Variants in FTO observed in about 807,000 individuals in gnomAD.
The protein encoded by FTO is FTO alpha-ketoglutarate dependent dioxygenase.
In FTO, 47 loss-of-function variants were observed where a neutral mutation model predicts 63.9. The observed-to-expected ratio is 0.74, with a 90% CI of 0.58 to 0.94. FTO has a LOEUF of 0.94. Ranked by LOEUF, FTO falls within the 40% of genes least tolerant of loss-of-function variation. The pLI, the probability that FTO is intolerant of heterozygous loss-of-function variation, is 0.00. For missense variants in FTO, 562 were observed against 618.1 expected (o/e 0.91, Z 0.96); for synonymous variants, 207 against 224.4 (o/e 0.92, Z 0.69).
At chr16:53,847,335 T>C (rs2079655248) in intron 4 of FTO, among the ~76,000 whole-genome samples, 1 of 152,230 alleles carries the variant, frequency 6.6e-6, no homozygotes, top group African/African-American at 2.4e-5. Flanking sequence ...TGCCTTCTTC[T>C]TCCCACCTGG....
chr16:53,795,916 C>G (rs2078053457), intron 1 of FTO, among the ~76,000 whole-genome samples: 1 of 152,004 alleles, frequency 6.6e-6, no homozygotes, highest in Non-Finnish European at 1.5e-5. Flanking sequence ...AATACAGATA[C>G]TTTCAGATAT....
Position 53,728,543 on chromosome 16 carries a change from T to G in FTO, c.45+24314T>G, listed in dbSNP as rs151223479. ...CTAGATAGGTATCATTTGGCTATCA[T>G]TAGGTATCTGGAGAGAGAGACAAAA... On this transcript the variant is annotated intron_variant, in intron 1 of 8. Coordinates refer to ENST00000471389, the MANE Select transcript of FTO (RefSeq NM_001080432.3). Among the ~76,000 whole-genome samples, 312 of 152,304 alleles carry G rather than the reference T, an allele frequency of 2.0e-3. 1 individual carries two copies. Among genetic ancestry groups the G allele is most frequent in the African/African-American group, 7.2e-3 (301 of 41,560 alleles).
At chr16:54,041,401 G>T (rs1364663782) in intron 8 of FTO, among the ~76,000 whole-genome samples, 1 of 152,106 alleles carries the variant, frequency 6.6e-6, no homozygotes, top group Non-Finnish European at 1.5e-5. Context: ...CTTGACACCT[G>T]GGGATTACAA....
At chr16:53,744,812 T>A (rs111865384) in intron 1 of FTO, among the ~76,000 whole-genome samples, 1,477 of 100,800 alleles carry the variant, frequency 0.015, 23 homozygotes, top group East Asian at 0.054. Context: ...GACAGGACTC[T>A]AAGGACTTTT....
chr16:53,977,445 C>A (rs2083455849), intron 8 of FTO, among the ~76,000 whole-genome samples: 1 of 152,134 alleles, frequency 6.6e-6, no homozygotes, highest in Non-Finnish European at 1.5e-5. Context: ...TGCTCTCTGA[C>A]CCTGGTTAAC....
intron 8 of FTO, among the ~76,000 whole-genome samples, chr16:54,031,732 T>TAGAAA (rs1342179653): frequency 5.5e-5 from 8 of 144,150 alleles, no homozygotes; most frequent in African/African-American, 1.7e-4. Context: ...TAAGCAATTA[T>TAGAAA]AGAAAAGCAA....
chr16:53,919,359 C>T (rs901568999), intron 7 of FTO, among the ~76,000 whole-genome samples: 1 of 152,074 alleles, frequency 6.6e-6, no homozygotes, highest in African/African-American at 2.4e-5. Context: ...TCAGTGCACT[C>T]TGCTACCCCA....
intron 6 of FTO, 53 bp downstream of exon 6, chr16:53,880,040 G>A: frequency 1.0e-5 from 14 of 1,394,426 alleles, no homozygotes; most frequent in East Asian, 2.4e-5. Flanking sequence ...TGTCACCCAG[G>A]CTGGAGTGCA....
chr16:53,883,968 C>T (rs1025186474), intron 6 of FTO, among the ~76,000 whole-genome samples: 1 of 152,196 alleles, frequency 6.6e-6, no homozygotes, highest in Non-Finnish European at 1.5e-5. Flanking sequence ...TGAAAGCCCA[C>T]GTGTCTGTAA....
At chr16:53,896,695 G>C (rs2111113) in intron 7 of FTO, among the ~76,000 whole-genome samples, 133,736 of 152,146 alleles carry the variant, frequency 0.88, 59,003 homozygotes, top group Middle Eastern at 0.94. Flanking sequence ...GAAGCGTGGA[G>C]AGTCTTCAAC....
chr16:54,073,889 A>C (rs2085927476), intron 8 of FTO, among the ~76,000 whole-genome samples: 1 of 152,154 alleles, frequency 6.6e-6, no homozygotes, highest in Admixed American at 6.6e-5. Context: ...ATTGAGTGCA[A>C]ATTCAGGGCC....
chr16:53,771,038 G>A lies in FTO; in HGVS notation c.46-39102G>A, dbSNP rs546638703. Among the ~76,000 whole-genome samples the A allele has an allele frequency of 1.2e-4, 19 of 152,206 alleles. No individual in the cohort carries two copies. The South Asian group carries it at 3.7e-3, about 30-fold the overall frequency. ...ATTACAAAAGCAAACTATCCAGGAT[G>A]GCTCTAAAGGGACTTCGCTATAGGT... is the stretch of plus-strand genomic sequence containing the variant. On this transcript the variant is annotated intron_variant, in intron 1 of 8. Coordinates refer to ENST00000471389, the MANE Select transcript of FTO (RefSeq NM_001080432.3).
chr16:53,759,954 T>C (rs1057381222), intron 1 of FTO, among the ~76,000 whole-genome samples: 1 of 152,068 alleles, frequency 6.6e-6, no homozygotes, highest in African/African-American at 2.4e-5. Context: ...TAAACTCATC[T>C]TTTGCTTGGT....
chr16:54,075,705 C>T (rs148201712), intron 8 of FTO, among the ~76,000 whole-genome samples: 18 of 152,178 alleles, frequency 1.2e-4, no homozygotes, highest in Admixed American at 9.8e-4. Flanking sequence ...GTGATGTCAC[C>T]GCATGCTTCT....
intron 8 of FTO, among the ~76,000 whole-genome samples, chr16:53,999,376 C>T (rs920627124): frequency 2.6e-5 from 4 of 152,102 alleles, no homozygotes; most frequent in African/African-American, 4.8e-5. Flanking sequence ...GAAGACTTTC[C>T]GGGTAAAGTT....
chr16:53,801,789 T>C (rs1341117236), intron 1 of FTO, among the ~76,000 whole-genome samples: 1 of 152,048 alleles, frequency 6.6e-6, no homozygotes, highest in African/African-American at 2.4e-5. Flanking sequence ...AAACAGAGTC[T>C]GACTCAGTCA....
chr16:53,873,770 G>A lies in FTO; in HGVS notation c.896-16G>A. 1 of 1,603,362 alleles carries A rather than the reference G, an allele frequency of 6.2e-7. No homozygotes were observed. Among genetic ancestry groups the A allele is most frequent in the African/African-American group, 1.3e-5 (1 of 74,702 alleles). ...AATAAATATGGTTTTATACATTTCT[G>A]GTGTTTTTCCTGTAGATGATCTCAA... is the stretch of plus-strand genomic sequence containing the variant. On this transcript the variant is annotated splice_polypyrimidine_tract_variant and intron_variant, in intron 4 of 8. Transcript: ENST00000471389.
chr16:53,720,112 C>T (rs1191679343), intron 1 of FTO, among the ~76,000 whole-genome samples: 1 of 152,074 alleles, frequency 6.6e-6, no homozygotes, highest in Non-Finnish European at 1.5e-5. Context: ...GTGCACATCA[C>T]TGGTGGTTGG....
intron 7 of FTO, among the ~76,000 whole-genome samples, chr16:53,912,604 A>G (rs774464296): frequency 6.6e-6 from 1 of 152,148 alleles, no homozygotes; most frequent in Non-Finnish European, 1.5e-5. Context: ...ATCATCATCA[A>G]CAGATTGCAT....
Sources: allele counts gnomAD v4.1 joint callset (sites outside exome capture counted in the v4.1 genomes callset), GRCh38; gene constraint gnomAD v4.1.1; transcripts MANE v1.5; gene names NCBI Gene and HGNC (gene_info 2026-07-23, HGNC 2026-07-21).